TRDN: variants seen among roughly 807,000 people sequenced by gnomAD.
TRDN encodes triadin, also known as triadin in skeletal muscle.
In TRDN, 161 loss-of-function variants were observed where a neutral mutation model predicts 149.7. The ratio of observed to expected loss-of-function variants is 1.08; its 90% CI spans 0.95 to 1.23. The LOEUF (loss-of-function observed/expected upper bound fraction) is 1.23, where lower values mean the gene tolerates loss of function less well. Ranked by LOEUF, TRDN falls within the 50% of genes most tolerant of loss-of-function variation. The pLI, the probability that TRDN is intolerant of heterozygous loss-of-function variation, is 0.00. For missense variants in TRDN, 896 were observed against 823.5 expected (o/e 1.09, Z -1.08); for synonymous variants, 294 against 250.5 (o/e 1.17, Z -1.64).
intron 23 of TRDN, among the ~76,000 whole-genome samples, chr6:123,331,329 T>C (rs1779650805): frequency 6.6e-6 from 1 of 152,014 alleles, no homozygotes; most frequent in African/African-American, 2.4e-5. Context: ...AGTGCTTGAT[T>C]TAGGAGATTG....
intron 2 of TRDN, among the ~76,000 whole-genome samples, chr6:123,555,966 A>C (rs1462111717): frequency 1.3e-5 from 2 of 152,188 alleles, no homozygotes; most frequent in Non-Finnish European, 2.9e-5. Flanking sequence ...GTGGAATAAA[A>C]GCTATGCTGT....
intron 12 of TRDN, among the ~76,000 whole-genome samples, chr6:123,425,507 G>A (rs750719921): frequency 1.3e-5 from 2 of 152,054 alleles, no homozygotes; most frequent in Non-Finnish European, 2.9e-5. Context: ...GATAGAGAAA[G>A]AGAGAATTGA....
intron 12 of TRDN, among the ~76,000 whole-genome samples, chr6:123,402,321 C>T (rs1773013481): frequency 6.6e-6 from 1 of 152,186 alleles, no homozygotes; most frequent in Admixed American, 6.5e-5. Context: ...CCAAATAAGG[C>T]AAATGTCTAG....
intron 38 of TRDN, among the ~76,000 whole-genome samples, chr6:123,239,425 T>C (rs1775907128): frequency 1.3e-5 from 2 of 152,100 alleles, no homozygotes; most frequent in South Asian, 4.1e-4. Context: ...GGCTATAGAA[T>C]TGTGCTTTCA....
In TRDN at chr6:123,360,014, T is replaced by A. The variant is rs192045526; in HGVS notation, c.1321+6121A>T. Among the ~76,000 whole-genome samples the A allele has an allele frequency of 7.4e-4, 112 of 152,230 alleles. No individual in the cohort carries two copies. In the East Asian group the frequency reaches 0.014, roughly 19 times the overall value. On this transcript the variant is annotated intron_variant, in intron 20 of 40. Transcript: ENST00000334268. ...CTGGCCGTGAAGGGGAATTTTTTTT[T>A]AATTTATTTTTTATTATTTTAAGTT...
intron 5 of TRDN, among the ~76,000 whole-genome samples, chr6:123,519,076 A>G (rs987089479): frequency 6.6e-6 from 1 of 152,204 alleles, no homozygotes; most frequent in African/African-American, 2.4e-5. Flanking sequence ...TTGGCAAGTT[A>G]TATCTTAGCC....
chr6:123,351,753 T>C (rs1443961239), intron 21 of TRDN: 1 of 918,348 alleles, frequency 1.1e-6, no homozygotes, highest in Non-Finnish European at 1.3e-6. Flanking sequence ...ATTTAGACTT[T>C]GTTCTTGATA....
intron 38 of TRDN, among the ~76,000 whole-genome samples, chr6:123,229,531 G>A (rs1385519561): frequency 6.6e-6 from 1 of 151,908 alleles, no homozygotes; most frequent in African/African-American, 2.4e-5. Flanking sequence ...CTGCCTGAAA[G>A]TTTTTACTTA....
chr6:123,614,308 A>AG lies in TRDN; in HGVS notation c.22+22445_22+22446insC, dbSNP rs1258720116. Reference sequence around the variant, plus strand: ...TTCATTAAAAAAAAAAACAAAAAAAAAAAAAACAAAAAAAACCCTCAAATT... The same window carrying AG: ...TTCATTAAAAAAAAAAACAAAAAAAAGAAAAAACAAAAAAAACCCTCAAATT... On this transcript the variant is annotated intron_variant, in intron 1 of 40. Coordinates refer to ENST00000334268, the MANE Select transcript of TRDN (RefSeq NM_006073.4). Among the ~76,000 whole-genome samples the AG allele has an allele frequency of 1.1e-3, 160 of 144,518 alleles. 2 individuals carry two copies. The highest frequency in any genetic ancestry group is 4.3e-3 in the African/African-American group (155 of 36,128). 94.8% of individuals were successfully genotyped at this position (144,518 alleles called of 152,430 possible).
At chr6:123,263,826 C>T (rs368243092) in intron 33 of TRDN, among the ~76,000 whole-genome samples, 3 of 151,956 alleles carry the variant, frequency 2.0e-5, no homozygotes, top group East Asian at 1.9e-4. Context: ...ATTTTAGGTC[C>T]CTTAAGAATT....
At chr6:123,512,727 T>G (rs1349725895) in intron 6 of TRDN, among the ~76,000 whole-genome samples, 1 of 152,198 alleles carries the variant, frequency 6.6e-6, no homozygotes, top group Non-Finnish European at 1.5e-5. Context: ...TATTAAATTG[T>G]GTTGTTTGGT....
chr6:123,436,080 T>G (rs1353627196), intron 12 of TRDN, among the ~76,000 whole-genome samples: 4 of 152,138 alleles, frequency 2.6e-5, no homozygotes, highest in Non-Finnish European at 5.9e-5. Context: ...TGCATTTGCG[T>G]GCATATGAAA....
At chr6:123,288,609 C>G (rs1439706278) in intron 24 of TRDN, among the ~76,000 whole-genome samples, 1 of 151,858 alleles carries the variant, frequency 6.6e-6, no homozygotes, top group Non-Finnish European at 1.5e-5. Context: ...ATATGAAAGG[C>G]CAACAGATAT....
At chr6:123,241,540 G>A (rs1402958235) in intron 38 of TRDN, among the ~76,000 whole-genome samples, 1 of 151,092 alleles carries the variant, frequency 6.6e-6, no homozygotes, top group Non-Finnish European at 1.5e-5. Context: ...ATTTATAAAG[G>A]AAGGAAAAAA....
intron 4 of TRDN, among the ~76,000 whole-genome samples, chr6:123,546,170 G>A (rs4283905): frequency 0.99 from 149,954 of 152,190 alleles, 73,888 homozygotes; most frequent in Middle Eastern, 1. Context: ...TCTAAACCTG[G>A]ATTTGATGGC....
At chr6:123,322,039 T>C (rs575031889) in intron 23 of TRDN, among the ~76,000 whole-genome samples, 2 of 152,320 alleles carry the variant, frequency 1.3e-5, no homozygotes, top group South Asian at 4.1e-4. Flanking sequence ...TTTACTTCAA[T>C]ATTTTACTGA....
At chr6:123,626,859 T>C (rs1785697211) in intron 1 of TRDN, among the ~76,000 whole-genome samples, 1 of 151,856 alleles carries the variant, frequency 6.6e-6, no homozygotes, top group Non-Finnish European at 1.5e-5. Flanking sequence ...CCATAAGAGG[T>C]ATTTCTCCCT....
intron 2 of TRDN, among the ~76,000 whole-genome samples, chr6:123,550,108 T>C (rs1403713599): frequency 6.6e-6 from 1 of 151,998 alleles, no homozygotes; most frequent in Non-Finnish European, 1.5e-5. Flanking sequence ...AAGCTCTAAC[T>C]GAAAACAGAA....
intron 4 of TRDN, among the ~76,000 whole-genome samples, chr6:123,541,524 C>T (rs1780833670): frequency 6.6e-6 from 1 of 152,142 alleles, no homozygotes; most frequent in African/African-American, 2.4e-5. Context: ...TCTATTCTCT[C>T]TGGGCTTTGT....
Sources: gnomAD v4.1 joint callset for allele counts (sites outside exome capture counted in the v4.1 genomes callset) on GRCh38, gnomAD v4.1.1 for gene constraint, MANE v1.5 for transcripts, NCBI Gene and HGNC (gene_info 2026-07-23, HGNC 2026-07-21) for gene names.